The following TMCC1 variants were observed in gnomAD, a reference collection of about 807,000 sequenced individuals.
The protein encoded by TMCC1 is transmembrane and coiled-coil domain family 1.
Under a neutral mutation model 52.4 loss-of-function variants are expected in TMCC1, and 15 were observed. That is an observed-to-expected ratio of 0.29 (90% confidence interval 0.19 to 0.44). TMCC1 has a LOEUF of 0.44. Ranked by LOEUF, TMCC1 falls within the 20% of genes least tolerant of loss-of-function variation. The pLI, the probability that TMCC1 is intolerant of heterozygous loss-of-function variation, is 1.00. For missense variants in TMCC1, 503 were observed against 806.0 expected (o/e 0.62, Z 4.55); for synonymous variants, 279 against 301.9 (o/e 0.92, Z 0.79).
intron 4 of TMCC1, among the ~76,000 whole-genome samples, chr3:129,804,289 G>A (rs1289249694): frequency 6.6e-6 from 1 of 152,092 alleles, no homozygotes; most frequent in Non-Finnish European, 1.5e-5. Flanking sequence ...ATAATGCCAT[G>A]CAAATACTAA....
intron 5 of TMCC1, among the ~76,000 whole-genome samples, chr3:129,660,881 T>C (rs2086979697): frequency 6.6e-6 from 1 of 152,184 alleles, no homozygotes; most frequent in Admixed American, 6.5e-5. Flanking sequence ...TGGGCTCAAG[T>C]GATCCTCCCA....
chr3:129,885,812 G>A (rs545707985), intron 1 of TMCC1, among the ~76,000 whole-genome samples: 18 of 149,702 alleles, frequency 1.2e-4, no homozygotes, highest in South Asian at 1.1e-3. Context: ...GCGCAATCTC[G>A]GCTCACTGCA....
At chr3:129,722,921 C>A (rs996832869) in intron 4 of TMCC1, among the ~76,000 whole-genome samples, 1 of 152,154 alleles carries the variant, frequency 6.6e-6, no homozygotes, top group Non-Finnish European at 1.5e-5. Flanking sequence ...GAGGGTAATT[C>A]AATATCAAAC....
At chr3:129,864,775 A>G (rs1577136627) in intron 2 of TMCC1, among the ~76,000 whole-genome samples, 1 of 152,226 alleles carries the variant, frequency 6.6e-6, no homozygotes, top group Non-Finnish European at 1.5e-5. Context: ...TTAACTGTCA[A>G]TTAGGTTATG....
At chr3:129,697,346 C>A (rs778691878) in intron 4 of TMCC1, among the ~76,000 whole-genome samples, 3 of 152,172 alleles carry the variant, frequency 2.0e-5, no homozygotes, top group Non-Finnish European at 4.4e-5. Context: ...TATCTTGGCC[C>A]TTTTTAGTTA....
chr3:129,868,822 T>C (rs964786452), intron 2 of TMCC1: 2 of 152,182 alleles, frequency 1.3e-5, no homozygotes, highest in African/African-American at 2.4e-5. Flanking sequence ...GGTGACCCTA[T>C]GGCTACAGAA....
chr3:129,764,641 A>G (rs1164945764), intron 4 of TMCC1, among the ~76,000 whole-genome samples: 1 of 150,962 alleles, frequency 6.6e-6, no homozygotes, highest in Non-Finnish European at 1.5e-5. Flanking sequence ...AAAGAAAATC[A>G]CCCTTTTCAG....
chr3:129,869,433 A>AG (rs1249480214), intron 2 of TMCC1, among the ~76,000 whole-genome samples: 1 of 152,200 alleles, frequency 6.6e-6, no homozygotes, highest in Non-Finnish European at 1.5e-5. Context: ...AACCTGAGGA[A>AG]GGGGTCACGA....
chr3:129,735,449 C>G (rs1001374839), intron 4 of TMCC1, among the ~76,000 whole-genome samples: 2 of 151,860 alleles, frequency 1.3e-5, no homozygotes, highest in African/African-American at 2.4e-5. Context: ...TTGAGACCAG[C>G]CTTGGCAACA....
chr3:129,731,621 A>C (rs762896090), intron 4 of TMCC1, among the ~76,000 whole-genome samples: 6 of 151,918 alleles, frequency 3.9e-5, no homozygotes, highest in Non-Finnish European at 5.9e-5. Context: ...TTAGGAATAG[A>C]GGGGAACTTC....
rs138289845 is a variant in TMCC1 at position 129,884,727 on chromosome 3, CA to C, written c.-434-4169del. On this transcript the variant is annotated intron_variant, in intron 1 of 6. Coordinates refer to ENST00000393238, the MANE Select transcript of TMCC1 (RefSeq NM_001017395.5). Reference sequence around the variant, plus strand: ...ATTCTACTACATAAACAGTGGTTTTCAAAATCTTTGAAGGGCTTGCCTACAG... The same window carrying C: ...ATTCTACTACATAAACAGTGGTTTTCAAATCTTTGAAGGGCTTGCCTACAG... Among the ~76,000 whole-genome samples, 188 of 152,184 alleles carry C rather than the reference CA, an allele frequency of 1.2e-3. 1 individual carries two copies. Among genetic ancestry groups the C allele is most frequent in the African/African-American group, 4.1e-3 (169 of 41,528 alleles).
intron 4 of TMCC1, among the ~76,000 whole-genome samples, chr3:129,753,470 A>C (rs1311189420): frequency 6.6e-6 from 1 of 152,256 alleles, no homozygotes; most frequent in Admixed American, 6.5e-5. Flanking sequence ...AATCAAATTT[A>C]GCAATATATA....
chr3:129,773,849 T>A (rs2054810148), intron 4 of TMCC1, among the ~76,000 whole-genome samples: 1 of 152,082 alleles, frequency 6.6e-6, no homozygotes, highest in Non-Finnish European at 1.5e-5. Flanking sequence ...AAGGCTGAGG[T>A]GGGAGATCAC....
chr3:129,734,990 T>C (rs1044841563), intron 4 of TMCC1, among the ~76,000 whole-genome samples: 1 of 151,498 alleles, frequency 6.6e-6, no homozygotes, highest in Non-Finnish European at 1.5e-5. Context: ...GCAAGCTCCG[T>C]CTCCGGGTTC....
intron 2 of TMCC1, among the ~76,000 whole-genome samples, chr3:129,873,909 G>A (rs2061057163): frequency 6.6e-6 from 1 of 152,046 alleles, no homozygotes; most frequent in African/African-American, 2.4e-5. Flanking sequence ...TCAGATTTTG[G>A]ATTTTCAAAT....
chr3:129,691,892 G>A (rs779528725), intron 4 of TMCC1, among the ~76,000 whole-genome samples: 5 of 152,176 alleles, frequency 3.3e-5, no homozygotes, highest in African/African-American at 4.8e-5. Flanking sequence ...GATCTCATTC[G>A]TTTTACAGAG....
chr3:129,834,502 C>G (rs551360099), intron 2 of TMCC1, among the ~76,000 whole-genome samples: 1 of 152,224 alleles, frequency 6.6e-6, no homozygotes, highest in South Asian at 2.1e-4. Flanking sequence ...AAGGCCAAAA[C>G]AGGTCTACTG....
At chr3:129,694,167 A>T (rs1347048146) in intron 4 of TMCC1, among the ~76,000 whole-genome samples, 1 of 152,192 alleles carries the variant, frequency 6.6e-6, no homozygotes, top group Non-Finnish European at 1.5e-5. Flanking sequence ...CTGGTGAGAG[A>T]GTTTCTCAGG....
At chr3:129,702,515 A>C (rs1423278605) in intron 4 of TMCC1, among the ~76,000 whole-genome samples, 1 of 152,142 alleles carries the variant, frequency 6.6e-6, no homozygotes, top group Admixed American at 6.5e-5. Flanking sequence ...TAGGTAAACC[A>C]TGTTGCTTTT....
Sources: gnomAD v4.1 joint callset for allele counts (sites outside exome capture counted in the v4.1 genomes callset) on GRCh38, gnomAD v4.1.1 for gene constraint, MANE v1.5 for transcripts, NCBI Gene and HGNC (gene_info 2026-07-23, HGNC 2026-07-21) for gene names.